Variants in NCAM2 observed in about 807,000 individuals in gnomAD.
The protein encoded by NCAM2 is N-CAM-2.
NCAM2 carries 30 observed loss-of-function variants against 98.1 expected under a neutral mutation model. That is an observed-to-expected ratio of 0.31 (90% confidence interval 0.23 to 0.41). NCAM2 has a LOEUF of 0.41. Ranked by LOEUF, NCAM2 falls within the 10% of genes least tolerant of loss-of-function variation. The pLI is 1.00. For synonymous variants in NCAM2, 368 were observed against 342.4 expected, an observed-to-expected ratio of 1.07 and a Z score of -0.83; for missense variants, 867 against 1,005.8, an observed-to-expected ratio of 0.86 and a Z score of 1.87.
At chr21:21,197,963 A>G (rs1411107797) in intron 1 of NCAM2, among the ~76,000 whole-genome samples, 1 of 152,160 alleles carries the variant, frequency 6.6e-6, no homozygotes, top group Non-Finnish European at 1.5e-5. Flanking sequence ...TGGAGATATA[A>G]CCAGTGGTCT....
intron 1 of NCAM2, among the ~76,000 whole-genome samples, chr21:21,160,295 ATAATATATAATTATCTATATACTTCTT>A (rs2067742530): frequency 6.6e-6 from 1 of 151,946 alleles, no homozygotes; most frequent in Non-Finnish European, 1.5e-5. Flanking sequence ...ATATGCTTCT[ATAATATATAATTATCTATATACTTCTT>A]TAATATAAAT....
chr21:21,231,021 A>G (rs2070603456), intron 1 of NCAM2, among the ~76,000 whole-genome samples: 1 of 151,390 alleles, frequency 6.6e-6, no homozygotes, highest in African/African-American at 2.4e-5. Flanking sequence ...GCTGGATGTG[A>G]AATTTTGAAA....
chr21:21,188,823 G>C (rs2146953221), intron 1 of NCAM2, among the ~76,000 whole-genome samples: 1 of 152,286 alleles, frequency 6.6e-6, no homozygotes, highest in East Asian at 1.9e-4. Flanking sequence ...CATATAAAGA[G>C]CTAGATATAT....
intron 9 of NCAM2, among the ~76,000 whole-genome samples, chr21:21,402,228 C>T (rs2145876901): frequency 6.6e-6 from 1 of 152,166 alleles, no homozygotes; most frequent in African/African-American, 2.4e-5. Flanking sequence ...AACGGACATG[C>T]AAGTAGGAGA....
intron 1 of NCAM2, among the ~76,000 whole-genome samples, chr21:21,182,424 A>G (rs1375448290): frequency 6.6e-6 from 1 of 152,176 alleles, no homozygotes; most frequent in South Asian, 2.1e-4. Flanking sequence ...TACTATTTTC[A>G]CATTAAATCC....
chr21:21,242,396 T>C (rs1039527155), intron 1 of NCAM2, among the ~76,000 whole-genome samples: 10 of 152,202 alleles, frequency 6.6e-5, no homozygotes, highest in Admixed American at 3.3e-4. Flanking sequence ...TGCATTCTTA[T>C]TTATCATAGT....
intron 1 of NCAM2, among the ~76,000 whole-genome samples, chr21:21,204,525 T>C (rs2147045372): frequency 6.6e-6 from 1 of 152,270 alleles, no homozygotes; most frequent in Non-Finnish European, 1.5e-5. Context: ...GTTATGCTTT[T>C]TAAGGCTGAA....
At chr21:21,221,144 C>T (rs73316734) in intron 1 of NCAM2, among the ~76,000 whole-genome samples, 1,978 of 152,194 alleles carry the variant, frequency 0.013, 48 homozygotes, top group African/African-American at 0.044. Context: ...TCATATAAGA[C>T]GGTGAATCCT....
intron 8 of NCAM2, among the ~76,000 whole-genome samples, chr21:21,372,279 C>T (rs28583606): frequency 6.6e-6 from 1 of 151,436 alleles, no homozygotes; most frequent in African/African-American, 2.4e-5. Flanking sequence ...TATTGAAATA[C>T]CATTTAAATA....
At chr21:21,439,873 T>G (rs2146074535) in intron 12 of NCAM2, among the ~76,000 whole-genome samples, 1 of 152,332 alleles carries the variant, frequency 6.6e-6, no homozygotes, top group Non-Finnish European at 1.5e-5. Context: ...TTTATTCAAG[T>G]ATAGAACACG....
intron 12 of NCAM2, among the ~76,000 whole-genome samples, chr21:21,458,598 A>T (rs2146178957): frequency 6.6e-6 from 1 of 152,298 alleles, no homozygotes; most frequent in East Asian, 1.9e-4. Flanking sequence ...CATATGTATA[A>T]ACCAGGAAGC....
At chr21:21,528,041 G>C (rs1989424055) in intron 16 of NCAM2, among the ~76,000 whole-genome samples, 1 of 152,188 alleles carries the variant, frequency 6.6e-6, no homozygotes, top group African/African-American at 2.4e-5. Flanking sequence ...AAGCCACGAA[G>C]AGACATGGAG....
chr21:21,469,263 T>C (rs17003868), intron 14 of NCAM2, among the ~76,000 whole-genome samples: 8,905 of 152,028 alleles, frequency 0.059, 365 homozygotes, highest in African/African-American at 0.1. Context: ...TCTTCAACTT[T>C]AATTAGCACT....
intron 11 of NCAM2, among the ~76,000 whole-genome samples, chr21:21,430,916 C>T (rs145493342): frequency 0.16 from 23,505 of 151,204 alleles, 1,852 homozygotes; most frequent in Middle Eastern, 0.17. Flanking sequence ...CGTGGTGGTG[C>T]GCACCTGTAG....
intron 13 of NCAM2, among the ~76,000 whole-genome samples, chr21:21,468,045 C>G (rs1049041173): frequency 6.6e-6 from 1 of 151,886 alleles, no homozygotes; most frequent in Non-Finnish European, 1.5e-5. Context: ...ACAATATAAG[C>G]ATCATTGTTA....
At chr21:21,077,489 T>C (rs1190950782) in intron 1 of NCAM2, among the ~76,000 whole-genome samples, 1 of 152,214 alleles carries the variant, frequency 6.6e-6, no homozygotes, top group African/African-American at 2.4e-5. Context: ...TTCAGATTAA[T>C]GAGGCCCACA....
At chr21:21,114,833 T>C (rs1367107363) in intron 1 of NCAM2, among the ~76,000 whole-genome samples, 5 of 152,038 alleles carry the variant, frequency 3.3e-5, no homozygotes, top group Non-Finnish European at 2.9e-5. Flanking sequence ...TGACTTTTTT[T>C]TTTTTTTTTG....
intron 3 of NCAM2, among the ~76,000 whole-genome samples, chr21:21,285,378 G>A (rs541679732): frequency 1.8e-4 from 28 of 151,840 alleles, no homozygotes; most frequent in Middle Eastern, 3.4e-3. Context: ...CAATTTGTGG[G>A]CACATTGTTG....
intron 1 of NCAM2, among the ~76,000 whole-genome samples, chr21:21,196,046 G>A (rs1179769311): frequency 6.6e-6 from 1 of 152,208 alleles, no homozygotes; most frequent in Admixed American, 6.5e-5. Flanking sequence ...CTGGATCAGT[G>A]TATGAAGTTT....
Sources: gnomAD v4.1 joint callset for allele counts (sites outside exome capture counted in the v4.1 genomes callset) on GRCh38, gnomAD v4.1.1 for gene constraint, MANE v1.5 for transcripts, NCBI Gene and HGNC (gene_info 2026-07-23, HGNC 2026-07-21) for gene names.